CRY2: variants seen among roughly 807,000 people sequenced by gnomAD.
The protein encoded by CRY2 is cryptochrome circadian regulator 2.
A neutral mutation model predicts 69.5 loss-of-function variants in CRY2; 31 were observed. That is an observed-to-expected ratio of 0.45 (90% CI 0.34 to 0.60). CRY2 has a LOEUF of 0.60. CRY2 is among the 20% of genes least tolerant of loss of function. The pLI is 0.02. For missense variants in CRY2, 606 were observed against 797.8 expected, an observed-to-expected ratio of 0.76 and a Z score of 2.90; for synonymous variants, 303 against 312.2, an observed-to-expected ratio of 0.97 and a Z score of 0.31.
Position 45,870,105 on chromosome 11 carries a change from G to T in CRY2, c.1247G>T (p.Trp416Leu). 6.2e-7 allele frequency: 1 copy of T among 1,613,386 alleles called. No homozygotes were observed. The highest frequency in any genetic ancestry group is 8.5e-7 in the Non-Finnish European group (1 of 1,179,610). Residue 416 changes from tryptophan (W) to leucine (L), a missense_variant, in exon 8 of 12, where the codon TGG becomes TTG. By Grantham distance (61) the Trp-to-Leu change is moderately conservative (BLOSUM62 -2). Transcript: ENST00000616080. ...GATTTCAGCGTGAACGCAGGCAGCT[G>T]GATGTGGCTGTCCTGCAGTGCTTTC... ...DADFSVNAGS[W>L]MWLSCSAFFQ...
rs930178552 is a variant in CRY2, at chr11:45,883,000, A to G, written c.*2089A>G. ...TGGAGCCAAGAGGGAAGGGCAGGGTAGAGAGGGTATGTCCAGTAGCCTGGA... is the reference window on the plus strand; with the variant it reads ...TGGAGCCAAGAGGGAAGGGCAGGGTGGAGAGGGTATGTCCAGTAGCCTGGA... On this transcript the variant is annotated 3_prime_UTR_variant, in exon 12 of 12. Transcript: ENST00000616080. 5.1e-5 allele frequency: 17 copies of G among 330,676 alleles called. No homozygotes were observed. Among genetic ancestry groups the G allele is most frequent in the African/African-American group, 2.5e-4 (12 of 47,218 alleles). The allele number at this position is 330,676 out of a possible 1,614,324, so 20.5% of individuals were successfully genotyped here. A position where few individuals can be genotyped will look rare whatever the true frequency, so the allele number is the denominator to read the frequency against.
At chr11:45,861,534 C>T (rs779496241) in intron 4 of CRY2, 6 of 166,508 alleles carry the variant, frequency 3.6e-5, no homozygotes, top group Non-Finnish European at 5.1e-5. Flanking sequence ...CTCCACCTCC[C>T]GGGTTCAAGC....
At position 45,869,613 on chromosome 11, in the gene CRY2, G is replaced by A. The variant is rs1378365193; in HGVS notation, c.990G>A (p.Gly330=). The A allele has an allele frequency of 1.2e-6, 2 of 1,614,248 alleles. No individual in the cohort carries two copies. The highest frequency in any genetic ancestry group is 1.7e-6 in the Non-Finnish European group (2 of 1,180,044). ...ACCCCAGGTTTGACCGCATGGAGGG[G>A]AACCCCATCTGCATCCAGATCCCCT... ...TNNPRFDRME[G]NPICIQIPWD... The change falls in exon 7 of 12, where the codon GGG becomes GGA. Residue 330 remains glycine, a synonymous_variant. Coordinates refer to ENST00000616080, the MANE Select transcript of CRY2 (RefSeq NM_021117.5).
chr11:45,856,006 T>A lies in CRY2; in HGVS notation c.240T>A (p.Asp80Glu), dbSNP rs2086235858. Residue 80 changes from aspartate to glutamate, a missense_variant, in exon 2 of 12, where the codon GAT becomes GAA. Physicochemically the swap from Asp to Glu is conservative, Grantham distance 45. Coordinates refer to ENST00000616080, the MANE Select transcript of CRY2 (RefSeq NM_021117.5). The part of the protein sequence containing the change: ...RWRFLLQSLE[D>E]LDTSLRKLNS... ...GGTTCCTACTTCAGTCTCTGGAAGA[T>A]TTGGACACAAGTTTAAGGAAACTGA... 1 of 1,614,060 alleles carries A rather than the reference T, an allele frequency of 6.2e-7. No individual in the cohort carries two copies. The highest frequency in any genetic ancestry group is 8.5e-7 in the Non-Finnish European group (1 of 1,180,036).
intron 3 of CRY2, 148 bp downstream of exon 3, chr11:45,859,021 G>T: frequency 1.0e-6 from 1 of 978,148 alleles, no homozygotes. Flanking sequence ...GAATAGGCCA[G>T]AGTCAGGACC....
At chr11:45,867,898 G>A (rs2134642440) in intron 6 of CRY2, 146 bp downstream of exon 6, 1 of 1,026,132 alleles carries the variant, frequency 9.7e-7, no homozygotes, top group Admixed American at 2.7e-5. Flanking sequence ...TAGTCCGGAG[G>A]AGGAGAGAAG....
chr11:45,880,069 G>A (rs1036013908), intron 11 of CRY2, among the ~76,000 whole-genome samples: 3 of 152,172 alleles, frequency 2.0e-5, no homozygotes, highest in African/African-American at 4.8e-5. Flanking sequence ...TGGGGGTTAG[G>A]ACTTCAACAT....
At chr11:45,875,688 T>G (rs941386673) in intron 11 of CRY2, among the ~76,000 whole-genome samples, 1 of 152,084 alleles carries the variant, frequency 6.6e-6, no homozygotes, top group East Asian at 1.9e-4. Context: ...TCTGGGGTGG[T>G]GCAGACTTCC....
At chr11:45,869,443 T>G (rs1293325094) in intron 6 of CRY2, 63 bp from the exon 7 acceptor site, 2 of 1,520,632 alleles carry the variant, frequency 1.3e-6, no homozygotes, top group Non-Finnish European at 1.8e-6. Context: ...AGAAGAGACC[T>G]GAGAGGCACC....
chr11:45,873,020 C>T (rs1210072802), intron 11 of CRY2, among the ~76,000 whole-genome samples: 3 of 152,230 alleles, frequency 2.0e-5, no homozygotes, highest in Non-Finnish European at 2.9e-5. Flanking sequence ...GGCCTCTCCT[C>T]CCTTCTCACC....
At chr11:45,861,131 A>C in intron 4 of CRY2, 99 bp downstream of exon 4, 1 of 1,384,710 alleles carries the variant, frequency 7.2e-7, no homozygotes, top group Non-Finnish European at 9.6e-7. Context: ...AAGGTTAGAA[A>C]GCACAGGAAA....
Position 45,847,523 on chromosome 11 carries a change from G to A in CRY2, c.33G>A (p.Val11=), listed in dbSNP as rs772499342. 2 of 1,588,628 alleles carry A rather than the reference G, an allele frequency of 1.3e-6. No individual in the cohort carries two copies. The highest frequency in any genetic ancestry group is 1.8e-5 in the Admixed American group (1 of 56,610). MAATVATAAA[V]APAPAPGTDS... ...CGACTGTGGCGACGGCGGCAGCTGT[G>A]GCCCCGGCGCCAGCGCCCGGCACGG... Residue 11 remains valine (V), a synonymous_variant, in exon 1 of 12, where the codon GTG becomes GTA. Coordinates refer to ENST00000616080, the MANE Select transcript of CRY2 (RefSeq NM_021117.5).
chr11:45,873,262 CT>C (rs2086400760), intron 11 of CRY2, among the ~76,000 whole-genome samples: 1 of 152,176 alleles, frequency 6.6e-6, no homozygotes, highest in Non-Finnish European at 1.5e-5. Flanking sequence ...CTGATAGGTT[CT>C]TTTTATCAGA....
chr11:45,878,679 T>G (rs890518524), intron 11 of CRY2, among the ~76,000 whole-genome samples: 1 of 152,008 alleles, frequency 6.6e-6, no homozygotes, highest in Admixed American at 6.6e-5. Flanking sequence ...TCCCAGCACT[T>G]TGGGAGGCTG....
intron 11 of CRY2, among the ~76,000 whole-genome samples, chr11:45,878,292 A>T (rs1339966485): frequency 6.6e-6 from 1 of 152,220 alleles, no homozygotes; most frequent in East Asian, 1.9e-4. Context: ...GATTAACAGC[A>T]GTTATTCTAA....
At chr11:45,855,131 A>G (rs2086229283) in intron 1 of CRY2, among the ~76,000 whole-genome samples, 1 of 152,168 alleles carries the variant, frequency 6.6e-6, no homozygotes. Flanking sequence ...TCTCCTGCTG[A>G]AGTTCTTGCC....
Position 45,870,446 on chromosome 11 carries a change from C to G in CRY2, c.1463C>G (p.Pro488Arg). The change falls in exon 9 of 12, where the codon CCC becomes CGC. Residue 488 changes from proline (P) to arginine (R), a missense_variant. This residue lies in a region of CRY2 where 173 missense variants were observed against 213.7 expected (regional missense o/e 0.81). Transcript: ENST00000616080. Reference protein sequence around the residue: ...KCIIGVDYPRPIVNHAETSRL... With the variant: ...KCIIGVDYPRRIVNHAETSRL... Reference sequence around the variant, plus strand: ...ATCATTGGTGTGGACTACCCACGGCCCATCGTCAACCATGCCGAGACCAGC... The same window carrying G: ...ATCATTGGTGTGGACTACCCACGGCGCATCGTCAACCATGCCGAGACCAGC... 3 of 1,614,212 alleles carry G rather than the reference C, an allele frequency of 1.9e-6. No individual in the cohort carries two copies. Among genetic ancestry groups the G allele is most frequent in the Non-Finnish European group, 2.5e-6 (3 of 1,180,044 alleles).
chr11:45,849,714 G>A (rs1340912894), intron 1 of CRY2, among the ~76,000 whole-genome samples: 13 of 150,388 alleles, frequency 8.6e-5, no homozygotes, highest in Admixed American at 7.4e-4. Context: ...TCCACCTCCC[G>A]GGTTCAAGCA....
At chr11:45,861,085 G>A (rs754950175) in intron 4 of CRY2, 53 bp downstream of exon 4, 16 of 1,531,938 alleles carry the variant, frequency 1.0e-5, no homozygotes, top group Non-Finnish European at 1.3e-5. Context: ...TTTGTGTAAA[G>A]AAATTCTTTG....
Sources: gnomAD v4.1 joint callset for allele counts (sites outside exome capture counted in the v4.1 genomes callset) on GRCh38, gnomAD v4.1.1 for gene constraint, gnomAD v4.1.1 regional missense constraint, MANE v1.5 for transcripts, NCBI Gene and HGNC (gene_info 2026-07-23, HGNC 2026-07-21) for gene names.